Variants in CDK12 observed in about 807,000 individuals in gnomAD.
The protein encoded by CDK12 is cyclin dependent kinase 12.
A neutral mutation model predicts 133.8 loss-of-function variants in CDK12; 17 were observed. The observed-to-expected ratio is 0.13, with a 90% CI of 0.09 to 0.19. The LOEUF (loss-of-function observed/expected upper bound fraction) is 0.19, where lower values mean the gene tolerates loss of function less well. Among genes scored for constraint, CDK12 ranks in the 10% least tolerant of loss-of-function variants. The probability of loss-of-function intolerance (pLI) is 1.00; values close to 1 mark genes in which losing one functional copy is unlikely to be tolerated. For synonymous variants in CDK12, 694 were observed against 683.6 expected (o/e 1.02, Z -0.24); for missense variants, 1,508 against 1,818.7 (o/e 0.83, Z 3.11).
chr17:39,466,114 C>T (rs1235151632), intron 1 of CDK12, among the ~76,000 whole-genome samples: 1 of 151,682 alleles, frequency 6.6e-6, no homozygotes, highest in Non-Finnish European at 1.5e-5. Context: ...TTGAGACCAG[C>T]CTGGCCAGCG....
intron 11 of CDK12, among the ~76,000 whole-genome samples, chr17:39,522,774 C>T (rs1027545305): frequency 2.6e-5 from 4 of 152,004 alleles, no homozygotes; most frequent in East Asian, 2.0e-4. Context: ...ATCTTTCGGT[C>T]GAGCGCGGTC....
At chr17:39,469,659 C>T (rs11078901) in intron 1 of CDK12, among the ~76,000 whole-genome samples, 91,985 of 142,358 alleles carry the variant, frequency 0.65, 31,708 homozygotes, top group South Asian at 0.89. Context: ...TTTTTTGAGA[C>T]GGAATTTTGC....
chr17:39,518,416 C>T (rs958500007), intron 10 of CDK12, among the ~76,000 whole-genome samples: 2 of 151,926 alleles, frequency 1.3e-5, no homozygotes, highest in Non-Finnish European at 2.9e-5. Context: ...CTCTTCCTGC[C>T]TCAGCCCCCC....
upstream of CDK12, chr17:39,549,780 G>A (rs2055876221): frequency 6.6e-6 from 1 of 152,142 alleles, no homozygotes; most frequent in Admixed American, 6.6e-5. Context: ...AGGCATTATA[G>A]CTAGCCATGC....
chr17:39,479,125 G>A (rs1351831555), intron 2 of CDK12, among the ~76,000 whole-genome samples: 10 of 151,886 alleles, frequency 6.6e-5, no homozygotes, highest in Non-Finnish European at 1.2e-4. Context: ...TGGCTAACAC[G>A]ATGAAACCCC....
chr17:39,527,333 C>T (rs948292442), intron 13 of CDK12, among the ~76,000 whole-genome samples: 2 of 152,200 alleles, frequency 1.3e-5, no homozygotes, highest in Admixed American at 6.5e-5. Context: ...CTGGATTATT[C>T]AGCTGATGCC....
At position 39,462,803 on chromosome 17, in the gene CDK12, A is replaced by G. The variant is rs765056993; in HGVS notation, c.732A>G (p.Gln244=). Residue 244 remains glutamine (Q), a synonymous_variant, in exon 1 of 14, where the codon CAA becomes CAG. Coordinates refer to ENST00000447079, the MANE Select transcript of CDK12 (RefSeq NM_016507.4). ...GCCCCTCGGGAGCTTCTTATGGCCAAGATTATGACCTTAGTCCCTCACGAT... is the reference window on the plus strand; with the variant it reads ...GCCCCTCGGGAGCTTCTTATGGCCAGGATTATGACCTTAGTCCCTCACGAT... ...DDSPSGASYG[Q]DYDLSPSRSH... 7 of 1,614,106 alleles carry G rather than the reference A, an allele frequency of 4.3e-6. No homozygotes were observed. Among genetic ancestry groups the G allele is most frequent in the Middle Eastern group, 1.6e-4 (1 of 6,084 alleles).
At chr17:39,512,591 C>T (rs1598122372) in intron 8 of CDK12, among the ~76,000 whole-genome samples, 1 of 152,158 alleles carries the variant, frequency 6.6e-6, no homozygotes, top group Non-Finnish European at 1.5e-5. Flanking sequence ...TTACATAATA[C>T]GTAATTGTCT....
At position 39,517,802 on chromosome 17, in the gene CDK12, G is replaced by T. The variant is rs1041943238; in HGVS notation, c.2963+246G>T. 4.1e-4 allele frequency among the ~76,000 whole-genome samples: 63 copies of T among 152,094 alleles called. 1 individual carries two copies. Among genetic ancestry groups the T allele is most frequent in the African/African-American group, 1.5e-3 (61 of 41,418 alleles). On this transcript the variant is annotated intron_variant, in intron 10 of 13. Transcript: ENST00000447079. ...ATATAAATTTTCTCATAGCCTTCTT[G>T]ATCTTTCCATGAGAAAAAGAGAATG...
chr17:39,476,808 G>A (rs1446853511), intron 2 of CDK12, among the ~76,000 whole-genome samples: 4 of 135,068 alleles, frequency 3.0e-5, no homozygotes, highest in African/African-American at 8.5e-5. Context: ...CGCAACCTCC[G>A]CCTCCCAAGT....
chr17:39,515,612 A>G, intron 8 of CDK12, 119 bp from the exon 9 acceptor site: 2 of 621,160 alleles, frequency 3.2e-6, no homozygotes, highest in East Asian at 5.6e-5. Flanking sequence ...CAGACACTGA[A>G]ATTTGGGGCT....
upstream of CDK12, chr17:39,544,306 C>T (rs1411263576): frequency 2.0e-6 from 1 of 490,000 alleles, no homozygotes; most frequent in Non-Finnish European, 4.0e-6. Flanking sequence ...TCAGTCACCT[C>T]TCACCCAGAG....
chr17:39,476,849 G>A (rs924585321), intron 2 of CDK12, among the ~76,000 whole-genome samples: 4 of 149,712 alleles, frequency 2.7e-5, no homozygotes, highest in Non-Finnish European at 3.0e-5. Context: ...AGCCTCCTGA[G>A]TAGCTTGGAT....
chr17:39,537,165 G>T (rs138391691), downstream of CDK12, among the ~76,000 whole-genome samples: 115 of 152,240 alleles, frequency 7.6e-4, 1 homozygote, highest in East Asian at 1.5e-3. Flanking sequence ...GGGCCTATCT[G>T]ATGGACTCTC....
At chr17:39,489,077 T>C (rs2053952195) in intron 2 of CDK12, among the ~76,000 whole-genome samples, 1 of 150,074 alleles carries the variant, frequency 6.7e-6, no homozygotes, top group East Asian at 2.0e-4. Flanking sequence ...CACACCCAGT[T>C]AATTTTTTTT....
intron 1 of CDK12, among the ~76,000 whole-genome samples, chr17:39,465,301 A>G (rs2049223856): frequency 6.7e-6 from 1 of 149,888 alleles, no homozygotes; most frequent in Non-Finnish European, 1.5e-5. Flanking sequence ...CTACCTGTCC[A>G]TTAATCTATC....
chr17:39,471,463 C>T lies in CDK12; in HGVS notation c.1631C>T (p.Pro544Leu), dbSNP rs1391374274. The T allele has an allele frequency of 1.2e-6, 2 of 1,613,700 alleles. No individual in the cohort carries two copies. Among genetic ancestry groups the T allele is most frequent in the South Asian group, 1.1e-5 (1 of 91,036 alleles). Residue 544 changes from proline to leucine, a missense_variant, in exon 2 of 14, where the codon CCT becomes CTT. Transcript: ENST00000447079. ...SPPPPLPTTT[P>L]PPQTPPLPPL... ...CCACCCCCTCTACCAACTACTACCC[C>T]TCCACCTCAGACACCCCCTTTGCCA... is the stretch of plus-strand genomic sequence containing the variant.
intron 2 of CDK12, among the ~76,000 whole-genome samples, chr17:39,475,791 C>T (rs1292383865): frequency 6.6e-6 from 1 of 151,958 alleles, no homozygotes; most frequent in Non-Finnish European, 1.5e-5. Context: ...GTGATTCGCC[C>T]ACCTAGGCCT....
Position 39,532,140 on chromosome 17 carries a change from C to CTCTCTG in CDK12, c.*827_*828insCTGTCT, listed in dbSNP as rs1184631339. ...TCTCTCTCTCTCTCTCTCTCTCTCT[C>CTCTCTG]TCTGTCTCGCTTGCTCGCTCTCGCT... is the stretch of plus-strand genomic sequence containing the variant. On this transcript the variant is annotated 3_prime_UTR_variant, in exon 14 of 14. Transcript: ENST00000447079. The CTCTCTG allele has an allele frequency of 4.6e-3, 1,039 of 224,498 alleles. 14 individuals carry two copies. Among genetic ancestry groups the CTCTCTG allele is most frequent in the African/African-American group, 0.023 (938 of 40,920 alleles). The allele number at this position is 224,498 out of a possible 1,614,324, so 13.9% of individuals were successfully genotyped here. A position where few individuals can be genotyped will look rare whatever the true frequency, so the allele number is the denominator to read the frequency against.
Sources: gnomAD v4.1 joint callset for allele counts (sites outside exome capture counted in the v4.1 genomes callset) on GRCh38, gnomAD v4.1.1 for gene constraint, MANE v1.5 for transcripts, NCBI Gene and HGNC (gene_info 2026-07-23, HGNC 2026-07-21) for gene names.